Variants in ASCC3 observed in about 807,000 individuals in gnomAD.
The protein encoded by ASCC3 is ASC-1 complex subunit P200.
Under a neutral mutation model 256.3 loss-of-function variants are expected in ASCC3, and 158 were observed. That is an observed-to-expected ratio of 0.62 (90% CI 0.54 to 0.70). ASCC3 has a LOEUF of 0.70. Ranked by LOEUF, ASCC3 falls within the 30% of genes least tolerant of loss-of-function variation. The pLI, the probability that ASCC3 is intolerant of heterozygous loss-of-function variation, is 0.00. For synonymous variants in ASCC3, 948 were observed against 883.4 expected, an observed-to-expected ratio of 1.07 and a Z score of -1.30; for missense variants, 2,259 against 2,626.0, an observed-to-expected ratio of 0.86 and a Z score of 3.05.
At chr6:100,629,314 A>G in intron 26 of ASCC3, 133 bp from the exon 27 acceptor site, 1 of 600,574 alleles carries the variant, frequency 1.7e-6, no homozygotes, top group East Asian at 2.7e-5. Context: ...GATTTTTGAA[A>G]TTTTCCAAGT....
At chr6:100,777,157 A>T (rs1448305505) in intron 8 of ASCC3, among the ~76,000 whole-genome samples, 1 of 152,170 alleles carries the variant, frequency 6.6e-6, no homozygotes, top group Admixed American at 6.5e-5. Flanking sequence ...TCATTAGATG[A>T]TCAGATGATT....
chr6:100,859,228 G>A (rs376938675), intron 3 of ASCC3: 2 of 779,416 alleles, frequency 2.6e-6, no homozygotes, highest in South Asian at 1.3e-5. Context: ...CCAAATGCCA[G>A]GATCACATTT....
At chr6:100,713,568 T>TA (rs1177762509) in intron 13 of ASCC3, among the ~76,000 whole-genome samples, 1 of 152,140 alleles carries the variant, frequency 6.6e-6, no homozygotes, top group Non-Finnish European at 1.5e-5. Context: ...GGACTTTGAG[T>TA]AACATCTGCA....
At chr6:100,608,602 TTTTATATATATATAC>T (rs1773166061) in intron 30 of ASCC3, among the ~76,000 whole-genome samples, 1 of 1,616 alleles carries the variant, frequency 6.2e-4, no homozygotes, top group Non-Finnish European at 1.0e-3. Context: ...TATATATATA[TTTTATATATATATAC>T]TTTATATATA....
chr6:100,652,282 G>C (rs933230582), intron 18 of ASCC3, among the ~76,000 whole-genome samples: 1 of 152,162 alleles, frequency 6.6e-6, no homozygotes, highest in African/African-American at 2.4e-5. Flanking sequence ...AATAGGTGAT[G>C]GAAGGAGTGA....
chr6:100,596,446 A>C lies in ASCC3; in HGVS notation c.5303+5364T>G, dbSNP rs910816350. 8.0e-4 allele frequency among the ~76,000 whole-genome samples: 121 copies of C among 152,152 alleles called. 1 individual carries two copies. Among genetic ancestry groups the C allele is most frequent in the Non-Finnish European group, 2.6e-4 (18 of 68,016 alleles). ...TTAGTTGGGCTGTAATTTTAATTGA[A>C]TTTCAGTTTTTGCTTTACATATCTG... On this transcript the variant is annotated intron_variant, in intron 34 of 41. Transcript: ENST00000369162.
Position 100,800,437 on chromosome 6 carries a change from A to T in ASCC3, c.990T>A (p.Ser330=), listed in dbSNP as rs1175878556. The change falls in exon 6 of 42, where the codon TCT becomes TCA. Residue 330 remains serine, a synonymous_variant. Coordinates refer to ENST00000369162, the MANE Select transcript of ASCC3 (RefSeq NM_006828.4). ...PNYGCQVTIQ[S]EQEKQLMKQY... Reference sequence around the variant, plus strand: ...GTTTCATTAACTGCTTTTCTTGTTCAGACTGAATAGTGACTTGACAACCAT... The same window carrying T: ...GTTTCATTAACTGCTTTTCTTGTTCTGACTGAATAGTGACTTGACAACCAT... 1 of 1,612,500 alleles carries T rather than the reference A, an allele frequency of 6.2e-7. No individual in the cohort carries two copies. The highest frequency in any genetic ancestry group is 2.2e-5 in the East Asian group (1 of 44,762).
At chr6:100,865,463 A>T (rs1237125263) in intron 2 of ASCC3, among the ~76,000 whole-genome samples, 1 of 152,180 alleles carries the variant, frequency 6.6e-6, no homozygotes, top group Non-Finnish European at 1.5e-5. Flanking sequence ...CAGGTTTAAG[A>T]TAGCAATATT....
At chr6:100,515,888 C>T (rs1420092470) in intron 39 of ASCC3, among the ~76,000 whole-genome samples, 2 of 152,060 alleles carry the variant, frequency 1.3e-5, no homozygotes, top group East Asian at 3.9e-4. Flanking sequence ...TCTCATAATG[C>T]CAATACCACT....
At chr6:100,741,684 C>T (rs774984376) in intron 10 of ASCC3, among the ~76,000 whole-genome samples, 4 of 152,140 alleles carry the variant, frequency 2.6e-5, no homozygotes, top group Non-Finnish European at 5.9e-5. Context: ...GCTACTGATA[C>T]TTGTGAGTGT....
At chr6:100,519,609 G>A (rs554162450) in intron 37 of ASCC3, among the ~76,000 whole-genome samples, 5 of 152,164 alleles carry the variant, frequency 3.3e-5, no homozygotes, top group South Asian at 2.1e-4. Flanking sequence ...AGAGAAATGC[G>A]TAATTATACC....
At chr6:100,746,755 G>C (rs974772538) in intron 10 of ASCC3, among the ~76,000 whole-genome samples, 2 of 152,160 alleles carry the variant, frequency 1.3e-5, no homozygotes, top group East Asian at 1.9e-4. Flanking sequence ...CTTTGAAAAA[G>C]AACAAGTTGG....
At chr6:100,721,870 C>T (rs955097463) in intron 11 of ASCC3, among the ~76,000 whole-genome samples, 3 of 151,464 alleles carry the variant, frequency 2.0e-5, no homozygotes, top group African/African-American at 7.3e-5. Flanking sequence ...GGTTTTGTTA[C>T]AGTTGCTTTC....
chr6:100,537,046 T>G (rs1360743718), intron 37 of ASCC3, among the ~76,000 whole-genome samples: 1 of 152,208 alleles, frequency 6.6e-6, no homozygotes, highest in Non-Finnish European at 1.5e-5. Context: ...AAATGGATGC[T>G]GAAAATAATG....
intron 36 of ASCC3, 88 bp downstream of exon 36, chr6:100,589,545 TG>T: frequency 6.6e-7 from 1 of 1,506,654 alleles, no homozygotes; most frequent in Non-Finnish European, 9.1e-7. Flanking sequence ...GCTTTACAAA[TG>T]GTTTCTGTTA....
chr6:100,835,866 CTTCCAATTCACCAGTACAAAATATCT>C (rs1228661115), intron 4 of ASCC3, among the ~76,000 whole-genome samples: 1 of 152,070 alleles, frequency 6.6e-6, no homozygotes, highest in South Asian at 2.1e-4. Context: ...AACATTAATT[CTTCCAATTCACCAGTACAAAATATCT>C]TTCCATTTAT....
At chr6:100,685,399 C>A (rs1386899503) in intron 13 of ASCC3, among the ~76,000 whole-genome samples, 2 of 152,086 alleles carry the variant, frequency 1.3e-5, no homozygotes, top group Admixed American at 6.6e-5. Context: ...GAGAATTAAG[C>A]CCTAAAGACC....
At chr6:100,657,865 C>T (rs1200095322) in intron 16 of ASCC3, among the ~76,000 whole-genome samples, 1 of 151,380 alleles carries the variant, frequency 6.6e-6, no homozygotes, top group African/African-American at 2.4e-5. Context: ...TATTTGAATG[C>T]CACCTAGTGA....
At position 100,661,870 on chromosome 6, in the gene ASCC3, A is replaced by C. The variant is rs758929073; in HGVS notation, c.2639T>G (p.Leu880Arg). 3.1e-6 allele frequency: 5 copies of C among 1,613,282 alleles called. No individual in the cohort carries two copies. The African/African-American group carries it at 6.7e-5, about 22-fold the overall frequency. ...HDKLSHYLTL[L>R]TQRNPIESQF... ...ACTCTCAATTGGGTTTCGTTGAGTG[A>C]GCAAAGTGAGGTAATGGCTGAGTTT... The change falls in exon 16 of 42, where the codon CTC becomes CGC. Residue 880 changes from leucine (L) to arginine (R), a missense_variant. Transcript: ENST00000369162.
Sources: gnomAD v4.1 joint callset for allele counts (sites outside exome capture counted in the v4.1 genomes callset) on GRCh38, gnomAD v4.1.1 for gene constraint, MANE v1.5 for transcripts, NCBI Gene and HGNC (gene_info 2026-07-23, HGNC 2026-07-21) for gene names.